Variants in TUBGCP5 observed in about 807,000 individuals in gnomAD.
The protein encoded by TUBGCP5 is gamma-tubulin complex component 5.
In TUBGCP5, 98 loss-of-function variants were observed where a neutral mutation model predicts 134.7. That is an observed-to-expected ratio of 0.73 (90% CI 0.62 to 0.86). The LOEUF is 0.86. Ranked by LOEUF, TUBGCP5 falls within the 40% of genes least tolerant of loss-of-function variation. The pLI is 0.00. For synonymous variants in TUBGCP5, 456 were observed against 431.4 expected, an observed-to-expected ratio of 1.06 and a Z score of -0.71; for missense variants, 1,150 against 1,244.8, an observed-to-expected ratio of 0.92 and a Z score of 1.15.
intron 19 of TUBGCP5, 60 bp downstream of exon 19, chr15:23,005,372 C>A (rs1371307125): frequency 3.2e-6 from 5 of 1,548,542 alleles, no homozygotes; most frequent in South Asian, 2.5e-5. Flanking sequence ...ATGAGTAATT[C>A]TCTACGAACA....
intron 20 of TUBGCP5, among the ~76,000 whole-genome samples, chr15:23,003,456 T>C (rs1256118879): frequency 1.3e-5 from 2 of 152,052 alleles, no homozygotes; most frequent in African/African-American, 4.8e-5. Context: ...ATTGCAATGG[T>C]TTTAACATTA....
intron 16 of TUBGCP5, among the ~76,000 whole-genome samples, chr15:23,007,698 C>T (rs1260962136): frequency 6.6e-6 from 1 of 152,170 alleles, no homozygotes; most frequent in Non-Finnish European, 1.5e-5. Flanking sequence ...GGAAAGAGAA[C>T]ATGGTGTGTA....
chr15:23,019,109 T>G (rs2065507100), intron 12 of TUBGCP5, 110 bp downstream of exon 12: 1 of 690,328 alleles, frequency 1.4e-6, no homozygotes, highest in Non-Finnish European at 2.4e-6. Flanking sequence ...TTCTGTGATG[T>G]GAACTGTGCT....
intron 10 of TUBGCP5, chr15:23,023,407 T>TTA (rs999122783): frequency 6.6e-6 from 1 of 152,554 alleles, no homozygotes; most frequent in Non-Finnish European, 1.5e-5. Context: ...GTAGAAGTGA[T>TTA]TATCACTGCA....
downstream of TUBGCP5, among the ~76,000 whole-genome samples, chr15:22,995,141 G>A (rs1427546830): frequency 6.6e-6 from 1 of 152,028 alleles, no homozygotes; most frequent in Non-Finnish European, 1.5e-5. Flanking sequence ...CCACTCAGGA[G>A]ACTAAGGCAG....
At chr15:23,010,361 A>T (rs1203572210) in intron 14 of TUBGCP5, among the ~76,000 whole-genome samples, 1 of 152,200 alleles carries the variant, frequency 6.6e-6, no homozygotes, top group Non-Finnish European at 1.5e-5. Flanking sequence ...TTAGGGCTGG[A>T]CACAGCAAAT....
intron 13 of TUBGCP5, among the ~76,000 whole-genome samples, chr15:23,015,876 C>T (rs901607915): frequency 4.6e-5 from 7 of 152,158 alleles, no homozygotes; most frequent in South Asian, 2.1e-4. Flanking sequence ...CTTTACAAAA[C>T]GTACTCCATA....
intron 6 of TUBGCP5, among the ~76,000 whole-genome samples, chr15:23,030,457 A>G (rs2066240365): frequency 6.6e-6 from 1 of 152,172 alleles, no homozygotes. Context: ...TCCCTGATAT[A>G]AAATGGCATA....
chr15:23,014,325 C>A (rs1235913950), intron 13 of TUBGCP5, among the ~76,000 whole-genome samples: 1 of 152,186 alleles, frequency 6.6e-6, no homozygotes, highest in Non-Finnish European at 1.5e-5. Context: ...GCTTCTTGAG[C>A]GGCCTTGCAC....
At chr15:23,009,123 G>C (rs879532761) in intron 15 of TUBGCP5, among the ~76,000 whole-genome samples, 2 of 151,642 alleles carry the variant, frequency 1.3e-5, no homozygotes, top group Non-Finnish European at 2.9e-5. Context: ...TCACAAAAAT[G>C]TAACAAAAAA....
At chr15:23,016,221 G>A (rs1282939403) in intron 13 of TUBGCP5, among the ~76,000 whole-genome samples, 3 of 152,160 alleles carry the variant, frequency 2.0e-5, no homozygotes, top group Non-Finnish European at 2.9e-5. Flanking sequence ...GGCCAGGCAC[G>A]GTGGCTCACG....
intron 13 of TUBGCP5, among the ~76,000 whole-genome samples, chr15:23,016,969 G>GATATGTGTATAT (rs1555439436): frequency 1.8e-5 from 2 of 109,392 alleles, no homozygotes; most frequent in African/African-American, 7.2e-5. Flanking sequence ...AAAATTGTGA[G>GATATGTGTATAT]ATATATATAT....
At chr15:23,033,289 T>TTC (rs2066414709) in intron 3 of TUBGCP5, among the ~76,000 whole-genome samples, 1 of 151,612 alleles carries the variant, frequency 6.6e-6, no homozygotes, top group African/African-American at 2.4e-5. Context: ...ATATTTTTTT[T>TTC]CCCCCCGAGA....
intron 15 of TUBGCP5, 148 bp downstream of exon 15, chr15:23,009,797 G>T: frequency 1.9e-6 from 1 of 528,752 alleles, no homozygotes; most frequent in Non-Finnish European, 3.1e-6. Flanking sequence ...AGAAAATATT[G>T]ATGGTCAATT....
chr15:23,024,780 T>G lies in TUBGCP5; in HGVS notation c.878A>C (p.Lys293Thr). The G allele has an allele frequency of 6.3e-7, 1 of 1,596,318 alleles. No homozygotes were observed. Among genetic ancestry groups the G allele is most frequent in the Non-Finnish European group, 8.6e-7 (1 of 1,167,980 alleles). ...KLFIFQLIDG[K>T]VTVRNNIIVT... is the part of the protein sequence containing the mutation. Reference sequence around the variant, plus strand: ...TATAATATTGTTTCTCACAGTTACCTTCCCATCTATCAACTGAAATATAAA... The same window carrying G: ...TATAATATTGTTTCTCACAGTTACCGTCCCATCTATCAACTGAAATATAAA... The change falls in exon 9 of 23, where the codon AAG (lysine) becomes ACG (threonine). Residue 293 changes from lysine (K) to threonine (T), a missense_variant. Physicochemically the swap from Lys to Thr is moderately conservative, Grantham distance 78. Coordinates refer to ENST00000615383, the MANE Select transcript of TUBGCP5 (RefSeq NM_052903.6).
At chr15:23,007,263 G>A (rs1033413155) in intron 16 of TUBGCP5, among the ~76,000 whole-genome samples, 1 of 152,062 alleles carries the variant, frequency 6.6e-6, no homozygotes, top group Non-Finnish European at 1.5e-5. Flanking sequence ...TTAGCTGGGC[G>A]CCTGTAGTCC....
Position 23,024,761 on chromosome 15 carries a change from ATT to A in TUBGCP5, c.895_896del (p.Asn299TyrfsTer9). 1 of 1,577,840 alleles carries A rather than the reference ATT, an allele frequency of 6.3e-7. No homozygotes were observed. Among genetic ancestry groups the A allele is most frequent in the Non-Finnish European group, 8.7e-7 (1 of 1,152,736 alleles). On this transcript the variant is annotated frameshift_variant, in exon 9 of 23. Transcript: ENST00000615383. LOFTEE classifies it high-confidence loss of function. ...LIDGKVTVRNNIIVTHLTHSC... is the reference protein window; with the variant it reads ...LIDGKVTVRNXIIVTHLTHSC... ...CATGTGTTAAATGAGTTACTATAAT[ATT>A]GTTTCTCACAGTTACCTTCCCATCT...
rs746429846 is a variant in TUBGCP5, at chr15:23,037,081, A to G, written c.200+18T>C. The G allele has an allele frequency of 6.8e-6, 11 of 1,612,844 alleles. No individual in the cohort carries two copies. In the South Asian group the frequency reaches 8.8e-5, roughly 13 times the overall value. On this transcript the variant is annotated intron_variant, in intron 2 of 22. Transcript: ENST00000615383. ...AATACATATATTTCTGGATGCGTAT[A>G]TATACACACTGACTTACCCTTCGAT...
chr15:22,998,750 G>A (rs1275525263), downstream of TUBGCP5, among the ~76,000 whole-genome samples: 1 of 152,098 alleles, frequency 6.6e-6, no homozygotes. Context: ...AAGTAGCTGG[G>A]ATTACAGATG....
Sources: allele counts gnomAD v4.1 joint callset (sites outside exome capture counted in the v4.1 genomes callset), GRCh38; gene constraint gnomAD v4.1.1; transcripts MANE v1.5; gene names NCBI Gene and HGNC (gene_info 2026-07-23, HGNC 2026-07-21).